Variants in LDLRAD4 observed in about 807,000 individuals in gnomAD.
LDLRAD4 encodes the protein low density lipoprotein receptor class A domain containing 4, also known as low-density lipoprotein receptor class A domain-containing protein 4.
Under a neutral mutation model 17.0 loss-of-function variants are expected in LDLRAD4, and 5 were observed. The ratio of observed to expected loss-of-function variants is 0.29; its 90% CI spans 0.15 to 0.62. The LOEUF (loss-of-function observed/expected upper bound fraction) is 0.62. LDLRAD4 is among the 20% of genes least tolerant of loss of function. The pLI is 0.84. For missense variants in LDLRAD4, 340 were observed against 424.7 expected (o/e 0.80, Z 1.75); for synonymous variants, 168 against 171.8 (o/e 0.98, Z 0.17).
chr18:13,642,601 A>T, intron 4 of LDLRAD4: 1 of 1,229,832 alleles, frequency 8.1e-7, no homozygotes, highest in Non-Finnish European at 1.0e-6. Context: ...AGGGCCGTCC[A>T]CCTGCGAGCG....
At chr18:13,225,208 G>T (rs571331803) in intron 1 of LDLRAD4, among the ~76,000 whole-genome samples, 21 of 152,356 alleles carry the variant, frequency 1.4e-4, no homozygotes, top group Non-Finnish European at 2.5e-4. Flanking sequence ...CCTATGAAAT[G>T]TTGTCCACCT....
At chr18:13,515,960 A>AT (rs2093859531) in intron 3 of LDLRAD4, 1 of 152,124 alleles carries the variant, frequency 6.6e-6, no homozygotes, top group African/African-American at 2.4e-5. Context: ...CTACAGGCAC[A>AT]TGCCACCATG....
At chr18:13,597,812 G>C (rs936098735) in intron 3 of LDLRAD4, among the ~76,000 whole-genome samples, 2 of 151,906 alleles carry the variant, frequency 1.3e-5, no homozygotes, top group African/African-American at 4.8e-5. Flanking sequence ...TTAAGCTCTA[G>C]TGAATTTTTT....
chr18:13,374,291 G>T (rs565104197), intron 1 of LDLRAD4, among the ~76,000 whole-genome samples: 2 of 152,210 alleles, frequency 1.3e-5, no homozygotes, highest in African/African-American at 2.4e-5. Context: ...ACAGTCTCCT[G>T]TGGAGGCCAG....
chr18:13,500,721 G>T (rs540692274), intron 3 of LDLRAD4: 52 of 152,286 alleles, frequency 3.4e-4, no homozygotes, highest in African/African-American at 1.3e-3. Context: ...GCCCTGAGCT[G>T]CTTTAAATGC....
At chr18:13,537,301 C>T (rs1253289314) in intron 3 of LDLRAD4, among the ~76,000 whole-genome samples, 3 of 152,156 alleles carry the variant, frequency 2.0e-5, no homozygotes, top group Non-Finnish European at 4.4e-5. Flanking sequence ...GGGTATATGG[C>T]AGCAGTCCCC....
At chr18:13,320,955 G>T (rs1373753931) in intron 1 of LDLRAD4, among the ~76,000 whole-genome samples, 3 of 152,208 alleles carry the variant, frequency 2.0e-5, no homozygotes, top group Non-Finnish European at 4.4e-5. Context: ...TGTGTCTGCA[G>T]GTGGGGAAAA....
chr18:13,514,278 C>T (rs1422648843), intron 3 of LDLRAD4, among the ~76,000 whole-genome samples: 3 of 152,204 alleles, frequency 2.0e-5, no homozygotes, highest in Non-Finnish European at 2.9e-5. Flanking sequence ...CCTCAGTTTC[C>T]TCCTCTCTAC....
At chr18:13,495,288 A>T (rs1238159729) in intron 3 of LDLRAD4, among the ~76,000 whole-genome samples, 1 of 152,190 alleles carries the variant, frequency 6.6e-6, no homozygotes, top group Non-Finnish European at 1.5e-5. Context: ...CGAGGCGAAT[A>T]CGGTGCGGGG....
chr18:13,229,220 G>T (rs372269664), intron 1 of LDLRAD4, among the ~76,000 whole-genome samples: 5 of 152,192 alleles, frequency 3.3e-5, no homozygotes, highest in Admixed American at 1.3e-4. Flanking sequence ...CCTCCTGAGG[G>T]CTTGCCATGG....
At chr18:13,302,342 C>T (rs1423109383) in intron 1 of LDLRAD4, among the ~76,000 whole-genome samples, 2 of 152,228 alleles carry the variant, frequency 1.3e-5, no homozygotes, top group South Asian at 4.2e-4. Context: ...GTTTGAAGCT[C>T]GATGATTAGT....
intron 3 of LDLRAD4, among the ~76,000 whole-genome samples, chr18:13,506,119 C>G (rs1010909500): frequency 4.6e-5 from 7 of 152,174 alleles, no homozygotes; most frequent in Admixed American, 4.6e-4. Flanking sequence ...CGTCTTTGTC[C>G]CGTTCCTTAT....
chr18:13,473,246 A>G (rs1054130436), intron 3 of LDLRAD4, among the ~76,000 whole-genome samples: 1 of 152,342 alleles, frequency 6.6e-6, no homozygotes. Flanking sequence ...AAATCCCACA[A>G]GGGTAAGAAA....
intron 1 of LDLRAD4, among the ~76,000 whole-genome samples, chr18:13,316,329 T>A (rs1453491601): frequency 6.6e-6 from 1 of 152,074 alleles, no homozygotes; most frequent in Admixed American, 6.6e-5. Flanking sequence ...ATGACAGTCT[T>A]TAAAGTGGAG....
Position 13,596,578 on chromosome 18 carries a change from C to G in LDLRAD4, c.182-24539C>G, listed in dbSNP as rs566013447. ...TTTTACTCCAATATAGCTGTTTTCT[C>G]TTTTTTTATGCTCTCCTTGTTATAC... On this transcript the variant is annotated intron_variant, in intron 3 of 5. Transcript: ENST00000359446. Among the ~76,000 whole-genome samples, 7 of 152,216 alleles carry G rather than the reference C, an allele frequency of 4.6e-5. No homozygotes were observed. The South Asian group carries it at 1.5e-3, about 32-fold the overall frequency.
rs550413196 is a variant in LDLRAD4 at position 13,229,543 on chromosome 18, G to T, written c.-467+10555G>T. 5.3e-5 allele frequency among the ~76,000 whole-genome samples: 8 copies of T among 152,274 alleles called. 2 individuals carry two copies. In the South Asian group the frequency reaches 1.7e-3, roughly 32 times the overall value. On this transcript the variant is annotated intron_variant, in intron 1 of 5. Coordinates refer to the LDLRAD4 transcript ENST00000399848. ...AGTTCCCGCCTTTTGGAGACATAGA[G>T]ACCAAGGAGAAGATAGAATATGTGT...
chr18:13,590,335 G>A (rs1375937306), intron 3 of LDLRAD4, among the ~76,000 whole-genome samples: 3 of 127,874 alleles, frequency 2.3e-5, no homozygotes, highest in Admixed American at 7.7e-5. Flanking sequence ...TATGTGGGGG[G>A]TAAGTGTGTG....
At chr18:13,423,917 C>T (rs1018558055) in intron 2 of LDLRAD4, among the ~76,000 whole-genome samples, 5 of 152,080 alleles carry the variant, frequency 3.3e-5, no homozygotes, top group African/African-American at 9.7e-5. Flanking sequence ...GGTGGATCTC[C>T]TGAGGTCAGG....
At chr18:13,609,069 T>G (rs529551840) in intron 3 of LDLRAD4, among the ~76,000 whole-genome samples, 3 of 152,298 alleles carry the variant, frequency 2.0e-5, no homozygotes, top group African/African-American at 7.2e-5. Context: ...AGTACTTACG[T>G]GAAAGATGCG....
Sources: gnomAD v4.1 joint callset for allele counts (sites outside exome capture counted in the v4.1 genomes callset) on GRCh38, gnomAD v4.1.1 for gene constraint, MANE v1.5 for transcripts, NCBI Gene and HGNC (gene_info 2026-07-23, HGNC 2026-07-21) for gene names.